The following TBC1D5 variants were observed in gnomAD, a reference collection of about 807,000 sequenced individuals.
TBC1D5 encodes TBC1 domain family member 5.
Under a neutral mutation model 100.3 loss-of-function variants are expected in TBC1D5, and 75 were observed. The ratio of observed to expected loss-of-function variants is 0.75; its 90% CI spans 0.62 to 0.91. The LOEUF is 0.91. Ranked by LOEUF, TBC1D5 falls within the 40% of genes least tolerant of loss-of-function variation. The pLI is 0.00. For missense variants in TBC1D5, 910 were observed against 942.4 expected (o/e 0.97, Z 0.45); for synonymous variants, 323 against 325.6 (o/e 0.99, Z 0.09).
chr3:17,529,960 C>G (rs950232476), intron 2 of TBC1D5, among the ~76,000 whole-genome samples: 3 of 152,050 alleles, frequency 2.0e-5, no homozygotes, highest in African/African-American at 4.8e-5. Context: ...TAGGTAAAAA[C>G]AGCCTGGGCA....
At chr3:17,344,270 C>A (rs1385853261) in intron 13 of TBC1D5, among the ~76,000 whole-genome samples, 1 of 151,944 alleles carries the variant, frequency 6.6e-6, no homozygotes, top group Non-Finnish European at 1.5e-5. Context: ...TATACACCAA[C>A]AACAGACAAA....
At chr3:17,374,361 G>T (rs2092610844) in intron 12 of TBC1D5, 110 bp downstream of exon 12, 2 of 973,600 alleles carry the variant, frequency 2.1e-6, no homozygotes, top group South Asian at 2.1e-5. Context: ...ATTTCATTTT[G>T]GTTACAGCAA....
intron 4 of TBC1D5, among the ~76,000 whole-genome samples, chr3:17,409,492 C>G (rs1296834063): frequency 6.6e-6 from 1 of 152,000 alleles, no homozygotes; most frequent in African/African-American, 2.4e-5. Flanking sequence ...TCAAAACCTA[C>G]AAATGATTAA....
chr3:17,677,420 A>G (rs2153801732), intron 1 of TBC1D5, among the ~76,000 whole-genome samples: 1 of 152,370 alleles, frequency 6.6e-6, no homozygotes, highest in Middle Eastern at 3.4e-3. Context: ...ACTGGCCATC[A>G]GAGAAATGCA....
rs76552574 is a variant in TBC1D5 at position 17,686,733 on chromosome 3, G to A, written c.-101+52610C>T. ...AAACACCTATATTGTTAAAGCATGGGTTCTCAACTAAGGGTGACTTTGTTT... is the reference window on the plus strand; with the variant it reads ...AAACACCTATATTGTTAAAGCATGGATTCTCAACTAAGGGTGACTTTGTTT... On this transcript the variant is annotated intron_variant, in intron 1 of 21. Transcript: ENST00000253692. Among the ~76,000 whole-genome samples, 1,309 of 152,192 alleles carry A rather than the reference G, an allele frequency of 8.6e-3. 13 individuals are homozygous for A. Among genetic ancestry groups the A allele is most frequent in the Admixed American group, 0.015 (235 of 15,278 alleles).
intron 15 of TBC1D5, among the ~76,000 whole-genome samples, chr3:17,265,507 T>G (rs2078755796): frequency 6.6e-6 from 1 of 152,108 alleles, no homozygotes; most frequent in Admixed American, 6.5e-5. Flanking sequence ...CTTATTTTAG[T>G]GAATATGTTA....
At chr3:17,544,371 G>A (rs150673925) in intron 2 of TBC1D5, among the ~76,000 whole-genome samples, 1 of 152,012 alleles carries the variant, frequency 6.6e-6, no homozygotes, top group East Asian at 1.9e-4. Flanking sequence ...TTAAGAACTC[G>A]GCCGGGCGCA....
At chr3:17,620,789 T>A (rs375507278) in intron 2 of TBC1D5, among the ~76,000 whole-genome samples, 1 of 152,072 alleles carries the variant, frequency 6.6e-6, no homozygotes, top group Admixed American at 6.6e-5. Flanking sequence ...TCAATAAGGA[T>A]GTAAAGAAAG....
chr3:17,519,171 G>A (rs2096032423), intron 2 of TBC1D5, among the ~76,000 whole-genome samples: 1 of 152,222 alleles, frequency 6.6e-6, no homozygotes, highest in Non-Finnish European at 1.5e-5. Context: ...TGTGTAAGGA[G>A]TCAAGCTCAG....
intron 13 of TBC1D5, among the ~76,000 whole-genome samples, chr3:17,310,179 T>G (rs1022555573): frequency 2.6e-5 from 4 of 152,110 alleles, no homozygotes; most frequent in East Asian, 1.9e-4. Flanking sequence ...AAACTTCTCT[T>G]GCACCCTTCT....
chr3:17,162,524 T>C (rs2066167154), intron 21 of TBC1D5, among the ~76,000 whole-genome samples: 1 of 152,244 alleles, frequency 6.6e-6, no homozygotes. Context: ...ATAAACGTAA[T>C]TGGCCTTTAG....
intron 2 of TBC1D5, among the ~76,000 whole-genome samples, chr3:17,589,322 A>T (rs1176112715): frequency 6.6e-6 from 1 of 152,214 alleles, no homozygotes; most frequent in Admixed American, 6.5e-5. Context: ...CAACACTGTG[A>T]TCTCATATAT....
At chr3:17,641,776 T>C (rs1312252815) in intron 1 of TBC1D5, among the ~76,000 whole-genome samples, 1 of 152,180 alleles carries the variant, frequency 6.6e-6, no homozygotes, top group Non-Finnish European at 1.5e-5. Context: ...TGCTTTTTGT[T>C]TCCTGCAAAA....
chr3:17,408,855 C>A (rs2093845870), intron 4 of TBC1D5, among the ~76,000 whole-genome samples: 1 of 152,074 alleles, frequency 6.6e-6, no homozygotes. Context: ...TTAAGTAATT[C>A]TTAGCCACTC....
intron 2 of TBC1D5, among the ~76,000 whole-genome samples, chr3:17,594,351 A>C (rs567903898): frequency 2.2e-4 from 34 of 152,224 alleles, no homozygotes; most frequent in Non-Finnish European, 4.1e-4. Context: ...CAATCCAGGC[A>C]GGACTACAAA....
Position 17,404,678 on chromosome 3 carries a change from C to G in TBC1D5, c.441+16G>C, listed in dbSNP as rs774188182. ...GCAGCAAAAGAGGTTAAGACATGAA[C>G]AAAGACGAACTTTACCCCTTCATCC... On this transcript the variant is annotated intron_variant, in intron 7 of 21. Coordinates refer to ENST00000253692, the Ensembl canonical transcript of TBC1D5. The G allele has an allele frequency of 1.3e-6, 2 of 1,582,068 alleles. No individual in the cohort carries two copies. The highest frequency in any genetic ancestry group is 2.7e-5 in the African/African-American group (2 of 72,814).
At chr3:17,324,630 T>G (rs562902678) in intron 13 of TBC1D5, among the ~76,000 whole-genome samples, 3 of 151,882 alleles carry the variant, frequency 2.0e-5, no homozygotes, top group African/African-American at 7.2e-5. Context: ...GACAACAGAG[T>G]GAGACTCTGT....
intron 13 of TBC1D5, among the ~76,000 whole-genome samples, chr3:17,352,075 T>C (rs2090667918): frequency 6.6e-6 from 1 of 151,310 alleles, no homozygotes; most frequent in South Asian, 2.1e-4. Flanking sequence ...TGAACCCAGA[T>C]AATCTAAAAG....
intron 15 of TBC1D5, among the ~76,000 whole-genome samples, chr3:17,282,340 G>C (rs1263888205): frequency 6.6e-6 from 1 of 152,168 alleles, no homozygotes; most frequent in Middle Eastern, 3.2e-3. Flanking sequence ...GCATAGGACT[G>C]ATAGCTTTAA....
Sources: gnomAD v4.1 joint callset for allele counts (sites outside exome capture counted in the v4.1 genomes callset) on GRCh38, gnomAD v4.1.1 for gene constraint, MANE v1.5 for transcripts, NCBI Gene and HGNC (gene_info 2026-07-23, HGNC 2026-07-21) for gene names.